The following CTIF variants were observed in gnomAD, a reference collection of about 807,000 sequenced individuals.
CTIF encodes cap binding complex dependent translation initiation factor.
CTIF carries 21 observed loss-of-function variants against 66.0 expected under a neutral mutation model. The observed-to-expected ratio is 0.32, with a 90% CI of 0.23 to 0.46. CTIF has a LOEUF of 0.46. Ranked by LOEUF, CTIF falls within the 20% of genes least tolerant of loss-of-function variation. The probability of loss-of-function intolerance (pLI) is 1.00; values close to 1 mark genes in which losing one functional copy is unlikely to be tolerated. For missense variants in CTIF, 739 were observed against 812.7 expected (o/e 0.91, Z 1.10); for synonymous variants, 345 against 326.4 (o/e 1.06, Z -0.62).
intron 1 of CTIF, among the ~76,000 whole-genome samples, chr18:48,613,238 T>C (rs1448473513): frequency 1.3e-5 from 2 of 152,154 alleles, no homozygotes; most frequent in Non-Finnish European, 2.9e-5. Flanking sequence ...ACTGATTGTC[T>C]CTAGCCTGTG....
intron 9 of CTIF, among the ~76,000 whole-genome samples, chr18:48,771,261 A>T (rs865789213): frequency 6.6e-6 from 1 of 152,068 alleles, no homozygotes; most frequent in Non-Finnish European, 1.5e-5. Context: ...GTATCTGTGG[A>T]TGTCTTGGGG....
chr18:48,789,836 G>A (rs1272571583), intron 9 of CTIF, among the ~76,000 whole-genome samples: 1 of 152,218 alleles, frequency 6.6e-6, no homozygotes, highest in African/African-American at 2.4e-5. Context: ...TAGTGGGGAA[G>A]ACTAATAAGA....
chr18:48,554,512 C>A lies in CTIF; in HGVS notation c.-29+15200C>A, dbSNP rs532509096. The stretch of plus-strand genomic sequence containing the variant: ...GTGCACTGCAGTGGAGAGGTTATGC[C>A]TTTGTAGGGTTGTGGGGATAGGGCT... On this transcript the variant is annotated intron_variant, in intron 1 of 11. Transcript: ENST00000256413. Among the ~76,000 whole-genome samples the A allele has an allele frequency of 5.3e-5, 8 of 152,344 alleles. No homozygotes were observed. The South Asian group carries it at 1.4e-3, about 28-fold the overall frequency.
At chr18:48,633,058 C>T (rs111838036) in intron 2 of CTIF, among the ~76,000 whole-genome samples, 1,095 of 33,530 alleles carry the variant, frequency 0.033, 11 homozygotes, top group Middle Eastern at 0.23. Context: ...CCTGCCAAGG[C>T]CCGTGCTGAC....
chr18:48,653,065 G>C (rs1315823315), intron 3 of CTIF, among the ~76,000 whole-genome samples: 1 of 152,126 alleles, frequency 6.6e-6, no homozygotes, highest in Non-Finnish European at 1.5e-5. Context: ...TTGAAAACTG[G>C]CACAAGACAG....
Position 48,571,168 on chromosome 18 carries a change from T to TTTTGTTTG in CTIF, c.-29+31877_-29+31884dup, listed in dbSNP as rs553996628. 6.1e-4 allele frequency among the ~76,000 whole-genome samples: 92 copies of TTTTGTTTG among 152,022 alleles called. 3 individuals carry two copies. In the South Asian group the frequency reaches 0.018, roughly 30 times the overall value. The stretch of plus-strand genomic sequence containing the variant: ...CCTGGAGGTAACAGTTTGGGTTTGT[T>TTTTGTTTG]TTTGTTTGTTTGTTTGTTTGTTTGT... On this transcript the variant is annotated intron_variant, in intron 1 of 11. Transcript: ENST00000256413.
intron 3 of CTIF, among the ~76,000 whole-genome samples, chr18:48,661,280 GAC>G (rs1290022850): frequency 6.6e-6 from 1 of 152,272 alleles, no homozygotes; most frequent in Non-Finnish European, 1.5e-5. Context: ...GATTAGGGAA[GAC>G]ACGTGTGGAG....
intron 3 of CTIF, among the ~76,000 whole-genome samples, chr18:48,654,776 A>G (rs999060351): frequency 1.3e-5 from 2 of 152,254 alleles, no homozygotes; most frequent in African/African-American, 4.8e-5. Context: ...CATGTATACC[A>G]TGGAATACTA....
chr18:48,729,735 TC>T (rs2145636164), intron 7 of CTIF, among the ~76,000 whole-genome samples: 2 of 152,318 alleles, frequency 1.3e-5, no homozygotes, highest in Middle Eastern at 3.4e-3. Flanking sequence ...GGAGTTGTCT[TC>T]CTGTCTGGGG....
chr18:48,697,922 C>A (rs996532834), intron 6 of CTIF, among the ~76,000 whole-genome samples: 3 of 151,252 alleles, frequency 2.0e-5, no homozygotes, highest in African/African-American at 7.3e-5. Context: ...GAGTCCATCA[C>A]CCCAGCCCTG....
At chr18:48,790,678 G>A (rs537194030) in intron 9 of CTIF, among the ~76,000 whole-genome samples, 9 of 152,354 alleles carry the variant, frequency 5.9e-5, no homozygotes, top group East Asian at 1.9e-4. Flanking sequence ...GGACGTGACC[G>A]GCAGCCTTCA....
intron 9 of CTIF, among the ~76,000 whole-genome samples, chr18:48,777,055 G>A (rs1243720016): frequency 6.6e-6 from 1 of 152,242 alleles, no homozygotes; most frequent in Non-Finnish European, 1.5e-5. Flanking sequence ...CAAACAGAGG[G>A]TGCCTGCTAA....
chr18:48,797,177 T>A (rs560515687), intron 9 of CTIF, among the ~76,000 whole-genome samples: 2 of 152,278 alleles, frequency 1.3e-5, no homozygotes, highest in Non-Finnish European at 2.9e-5. Context: ...CAGTCCTGTT[T>A]TTCTCATAAA....
At chr18:48,553,774 G>A (rs546747331) in intron 1 of CTIF, among the ~76,000 whole-genome samples, 6 of 151,480 alleles carry the variant, frequency 4.0e-5, no homozygotes, top group Non-Finnish European at 8.8e-5. Flanking sequence ...TCCTGCCTCA[G>A]CCTCCCGAGT....
chr18:48,554,593 G>T (rs1013837462), intron 1 of CTIF, among the ~76,000 whole-genome samples: 6 of 152,386 alleles, frequency 3.9e-5, no homozygotes, highest in South Asian at 2.1e-4. Flanking sequence ...ACTCTGGTGG[G>T]CTGGGAACAT....
At chr18:48,627,772 G>C (rs1235596560) in intron 2 of CTIF, among the ~76,000 whole-genome samples, 2 of 150,328 alleles carry the variant, frequency 1.3e-5, no homozygotes, top group Non-Finnish European at 3.0e-5. Context: ...ACAGGGTTGG[G>C]GGGGAGGGTG....
At chr18:48,807,486 G>T (rs1357289257) in intron 9 of CTIF, among the ~76,000 whole-genome samples, 1 of 147,838 alleles carries the variant, frequency 6.8e-6, no homozygotes, top group South Asian at 2.1e-4. Flanking sequence ...AGATTATATG[G>T]TAAATGCAAT....
At chr18:48,735,395 C>T (rs527995192) in intron 7 of CTIF, among the ~76,000 whole-genome samples, 1 of 152,312 alleles carries the variant, frequency 6.6e-6, no homozygotes, top group East Asian at 1.9e-4. Flanking sequence ...TTCTTCACTG[C>T]ATCTGTGGCT....
At chr18:48,688,812 G>T (rs1032444168) in intron 6 of CTIF, among the ~76,000 whole-genome samples, 2 of 152,248 alleles carry the variant, frequency 1.3e-5, no homozygotes, top group Non-Finnish European at 2.9e-5. Flanking sequence ...CATCAAGTAG[G>T]TGTCTTTGAA....
Sources: allele counts gnomAD v4.1 joint callset (sites outside exome capture counted in the v4.1 genomes callset), GRCh38; gene constraint gnomAD v4.1.1; transcripts MANE v1.5; gene names NCBI Gene and HGNC (gene_info 2026-07-23, HGNC 2026-07-21).